The following ANKS1B variants were observed in gnomAD, a reference collection of about 807,000 sequenced individuals.
ANKS1B encodes the protein ankyrin repeat and sterile alpha motif domain containing 1B, also known as ankyrin repeat and sterile alpha motif domain-containing protein 1B.
In ANKS1B, 36 loss-of-function variants were observed where a neutral mutation model predicts 148.3. That is an observed-to-expected ratio of 0.24 (90% CI 0.19 to 0.32). The LOEUF (loss-of-function observed/expected upper bound fraction) is 0.32, where lower values mean the gene tolerates loss of function less well. ANKS1B is among the 10% of genes least tolerant of loss of function. ANKS1B has a pLI of 1.00. For missense variants in ANKS1B, 1,157 were observed against 1,542.6 expected, an observed-to-expected ratio of 0.75 and a Z score of 4.19; for synonymous variants, 542 against 560.8, an observed-to-expected ratio of 0.97 and a Z score of 0.47.
chr12:98,788,937 T>G (rs1220670803), intron 22 of ANKS1B, among the ~76,000 whole-genome samples: 3 of 152,204 alleles, frequency 2.0e-5, no homozygotes, highest in African/African-American at 7.2e-5. Flanking sequence ...TGAGAGCAAT[T>G]AACAAGAATT....
intron 10 of ANKS1B, among the ~76,000 whole-genome samples, chr12:99,461,193 A>G (rs912338949): frequency 1.3e-5 from 2 of 152,110 alleles, no homozygotes; most frequent in African/African-American, 4.8e-5. Flanking sequence ...AAAACCAAAC[A>G]TATGTTCTCA....
At chr12:99,852,270 T>C (rs554383941) in intron 1 of ANKS1B, among the ~76,000 whole-genome samples, 7 of 152,152 alleles carry the variant, frequency 4.6e-5, no homozygotes, top group Non-Finnish European at 8.8e-5. Context: ...CTGACACTTA[T>C]GGTATTAATT....
chr12:99,055,726 G>A (rs200254322), intron 16 of ANKS1B, among the ~76,000 whole-genome samples: 8 of 150,402 alleles, frequency 5.3e-5, no homozygotes, highest in African/African-American at 1.5e-4. Context: ...AAACTTGGGG[G>A]GGGGGGAGGT....
At chr12:99,334,772 A>C (rs1430601552) in intron 12 of ANKS1B, among the ~76,000 whole-genome samples, 3 of 152,062 alleles carry the variant, frequency 2.0e-5, no homozygotes, top group Non-Finnish European at 4.4e-5. Context: ...AAAAAGCATA[A>C]ATTTTTTCTT....
At chr12:99,720,241 C>T (rs1478914252) in intron 8 of ANKS1B, among the ~76,000 whole-genome samples, 1 of 152,214 alleles carries the variant, frequency 6.6e-6, no homozygotes, top group African/African-American at 2.4e-5. Flanking sequence ...TTTGCCCCTG[C>T]CCAGGACTGG....
rs1251844353 is a variant in ANKS1B at position 98,745,305 on chromosome 12, GCT to G, written c.*432_*433del. On this transcript the variant is annotated 3_prime_UTR_variant, in exon 27 of 27. Coordinates refer to ENST00000683438, the MANE Select transcript of ANKS1B (RefSeq NM_001352186.2). ...CTTTGGAGGTGGGAGGGGTAGTGCTGCTCTGATTTCACCTTTAAAACTGCTGA... is the reference window on the plus strand; with the variant it reads ...CTTTGGAGGTGGGAGGGGTAGTGCTGCTGATTTCACCTTTAAAACTGCTGA... The G allele has an allele frequency of 1.0e-6, 1 of 983,046 alleles. No homozygotes were observed. The highest frequency in any genetic ancestry group is 1.2e-6 in the Non-Finnish European group (1 of 830,464). The allele number at this position is 983,046 out of a possible 1,614,324, so 60.9% of individuals were successfully genotyped here. A position where few individuals can be genotyped will look rare whatever the true frequency, so the allele number is the denominator to read the frequency against.
intron 12 of ANKS1B, among the ~76,000 whole-genome samples, chr12:99,383,749 A>C (rs1421176027): frequency 6.6e-6 from 1 of 150,852 alleles, no homozygotes; most frequent in South Asian, 2.1e-4. Context: ...TGCAGTGCGC[A>C]TGCCTGTAAT....
At chr12:99,955,754 A>ATT (rs2095313316) in intron 1 of ANKS1B, among the ~76,000 whole-genome samples, 1 of 152,138 alleles carries the variant, frequency 6.6e-6, no homozygotes, top group Non-Finnish European at 1.5e-5. Flanking sequence ...TTCAGTTACC[A>ATT]AAATATTTAT....
intron 14 of ANKS1B, among the ~76,000 whole-genome samples, chr12:99,240,187 C>T (rs1010820458): frequency 2.6e-5 from 4 of 152,108 alleles, no homozygotes; most frequent in South Asian, 2.1e-4. Context: ...TGCAGAGACA[C>T]ACATAGGCTC....
intron 1 of ANKS1B, among the ~76,000 whole-genome samples, chr12:99,827,881 C>A (rs2083411011): frequency 6.6e-6 from 1 of 152,182 alleles, no homozygotes; most frequent in Non-Finnish European, 1.5e-5. Context: ...AACTTACCAT[C>A]AAATCATACC....
At chr12:98,980,641 A>G (rs2099908587) in intron 17 of ANKS1B, among the ~76,000 whole-genome samples, 1 of 152,238 alleles carries the variant, frequency 6.6e-6, no homozygotes, top group African/African-American at 2.4e-5. Context: ...TTTTTGATAG[A>G]ATGCTGAAGA....
chr12:99,047,547 G>A (rs751347715), intron 17 of ANKS1B, among the ~76,000 whole-genome samples: 2 of 152,156 alleles, frequency 1.3e-5, no homozygotes, highest in Non-Finnish European at 2.9e-5. Context: ...TCAAATTGCT[G>A]TAAACCAGTG....
chr12:99,075,201 A>G (rs1318671827), intron 16 of ANKS1B, among the ~76,000 whole-genome samples: 1 of 152,138 alleles, frequency 6.6e-6, no homozygotes, highest in East Asian at 1.9e-4. Context: ...AGGGCTATGA[A>G]CCTGAATCCT....
chr12:99,195,618 T>C (rs1339914237), intron 14 of ANKS1B, among the ~76,000 whole-genome samples: 1 of 152,040 alleles, frequency 6.6e-6, no homozygotes, highest in Non-Finnish European at 1.5e-5. Flanking sequence ...CAAAAGCTTG[T>C]AGGAGTTGGG....
At position 99,312,122 on chromosome 12, in the gene ANKS1B, C is replaced by T. The variant is rs527671711; in HGVS notation, c.1757-65258G>A. 9.5e-4 allele frequency among the ~76,000 whole-genome samples: 145 copies of T among 152,192 alleles called. 4 individuals are homozygous for T. In the South Asian group the frequency reaches 0.028, roughly 29 times the overall value. The stretch of plus-strand genomic sequence containing the variant: ...TAGGCAGAAAGCTATCTAGGTTAAA[C>T]GAGTCATTTCTTCAGCCATTAGATC... On this transcript the variant is annotated intron_variant, in intron 12 of 26. Transcript: ENST00000683438.
chr12:99,542,178 A>G (rs1306618589), intron 9 of ANKS1B, among the ~76,000 whole-genome samples: 1 of 152,236 alleles, frequency 6.6e-6, no homozygotes, highest in Non-Finnish European at 1.5e-5. Context: ...TAAAGAAGCC[A>G]CAAACTTTAT....
chr12:99,612,968 G>A (rs756101098), intron 9 of ANKS1B, among the ~76,000 whole-genome samples: 8 of 152,092 alleles, frequency 5.3e-5, no homozygotes, highest in Non-Finnish European at 1.0e-4. Flanking sequence ...AAGCTGTCTA[G>A]TGATAACCCT....
chr12:98,782,253 C>T (rs995650667), intron 22 of ANKS1B, 116 bp from the exon 23 acceptor site: 2 of 855,748 alleles, frequency 2.3e-6, no homozygotes, highest in African/African-American at 3.4e-5. Flanking sequence ...CATTAAAAAA[C>T]AAAAGATGCC....
chr12:99,374,868 T>C (rs1443558698), intron 12 of ANKS1B, among the ~76,000 whole-genome samples: 1 of 152,232 alleles, frequency 6.6e-6, no homozygotes, highest in Non-Finnish European at 1.5e-5. Context: ...CCAGGAACTA[T>C]AGATCAATGT....
Sources: gnomAD v4.1 joint callset for allele counts (sites outside exome capture counted in the v4.1 genomes callset) on GRCh38, gnomAD v4.1.1 for gene constraint, MANE v1.5 for transcripts, NCBI Gene and HGNC (gene_info 2026-07-23, HGNC 2026-07-21) for gene names.